The following RGS8 variants were observed in gnomAD, a reference collection of about 807,000 sequenced individuals.
The protein encoded by RGS8 is regulator of G-protein signaling 8.
A neutral mutation model predicts 21.7 loss-of-function variants in RGS8; 8 were observed. That is an observed-to-expected ratio of 0.37 (90% confidence interval 0.22 to 0.66). The LOEUF is 0.66. RGS8 is among the 30% of genes least tolerant of loss of function. The probability of loss-of-function intolerance (pLI) is 0.59; values close to 1 mark genes in which losing one functional copy is unlikely to be tolerated. For missense variants in RGS8, 157 were observed against 217.9 expected (o/e 0.72, Z 1.76); for synonymous variants, 80 against 83.6 (o/e 0.96, Z 0.24).
chr1:182,718,222 G>C, the RGS8 span, among the ~76,000 whole-genome samples: 2 of 152,168 alleles, frequency 1.3e-5, no homozygotes, highest in Non-Finnish European at 2.9e-5. Context: ...GGAATATTTT[G>C]AGGCAAGCCA....
At chr1:182,649,326 T>A (rs1456777689) in intron 5 of RGS8, among the ~76,000 whole-genome samples, 1 of 152,130 alleles carries the variant, frequency 6.6e-6, no homozygotes, top group Admixed American at 6.6e-5. Context: ...GAATGTCTCA[T>A]CCTTTGCTAC....
chr1:182,656,253 CAGCTGGCAG>C (rs1663271872), intron 5 of RGS8, among the ~76,000 whole-genome samples: 19 of 152,216 alleles, frequency 1.2e-4, no homozygotes, highest in Admixed American at 1.2e-3. Flanking sequence ...CCTCTGGTGA[CAGCTGGCAG>C]GCCTCCAAAG....
At chr1:182,672,993 C>A (rs371089617), upstream of RGS8, 203 of 770,948 alleles carry the variant, frequency 2.6e-4, 1 homozygote, top group Middle Eastern at 0.011. Flanking sequence ...GAATCAGAAA[C>A]TCTGGGGACA....
At chr1:182,728,407 C>T in the RGS8 span, among the ~76,000 whole-genome samples, 1 of 152,016 alleles carries the variant, frequency 6.6e-6, no homozygotes, top group Non-Finnish European at 1.5e-5. Context: ...CAATATGAAC[C>T]TTTCGATTCT....
the RGS8 span, among the ~76,000 whole-genome samples, chr1:182,724,205 T>C: frequency 2.2e-4 from 11 of 50,226 alleles, no homozygotes; most frequent in Non-Finnish European, 3.0e-4. Flanking sequence ...AGACTGGATA[T>C]ATATATATAT....
the RGS8 span, among the ~76,000 whole-genome samples, chr1:182,717,488 T>C: frequency 6.6e-6 from 1 of 152,200 alleles, no homozygotes. Context: ...ACAGATGGTT[T>C]CATTATGTCA....
At chr1:182,732,269 T>TCACACACACACACA in the RGS8 span, among the ~76,000 whole-genome samples, 6 of 126,358 alleles carry the variant, frequency 4.7e-5, no homozygotes, top group African/African-American at 1.8e-4. Flanking sequence ...GCTCTCTCTC[T>TCACACACACACACA]CATACACACA....
the RGS8 span, among the ~76,000 whole-genome samples, chr1:182,721,988 T>C: frequency 6.6e-6 from 1 of 152,218 alleles, no homozygotes; most frequent in African/African-American, 2.4e-5. Flanking sequence ...CTTCCCCTTC[T>C]ATGATGGAGA....
the RGS8 span, among the ~76,000 whole-genome samples, chr1:182,744,858 C>G: frequency 6.6e-6 from 1 of 152,174 alleles, no homozygotes. Context: ...ACACTTTCAT[C>G]ACCCCAGAAA....
At chr1:182,739,909 C>G in the RGS8 span, among the ~76,000 whole-genome samples, 1 of 152,176 alleles carries the variant, frequency 6.6e-6, no homozygotes, top group Non-Finnish European at 1.5e-5. Flanking sequence ...TTATCAATGG[C>G]TTTTCGTCCC....
chr1:182,726,658 G>A, the RGS8 span, among the ~76,000 whole-genome samples: 20 of 150,588 alleles, frequency 1.3e-4, no homozygotes, highest in African/African-American at 4.4e-4. Flanking sequence ...TAACAAAAGC[G>A]AGACTCTGTC....
At chr1:182,679,109 A>G (rs1032924164) in intron 1 of RGS8, among the ~76,000 whole-genome samples, 1 of 151,990 alleles carries the variant, frequency 6.6e-6, no homozygotes, top group Non-Finnish European at 1.5e-5. Flanking sequence ...TCTTTCTCAC[A>G]TGTTATTCTG....
At chr1:182,751,588 A>G in the RGS8 span, among the ~76,000 whole-genome samples, 1 of 151,812 alleles carries the variant, frequency 6.6e-6, no homozygotes, top group African/African-American at 2.4e-5. Flanking sequence ...CCTCTGAGTC[A>G]CATCCTACCA....
chr1:182,654,476 G>T (rs544389248), intron 5 of RGS8, among the ~76,000 whole-genome samples: 4 of 152,324 alleles, frequency 2.6e-5, no homozygotes, highest in South Asian at 4.1e-4. Flanking sequence ...TTGGGATAAG[G>T]TCACTGTGAA....
the RGS8 span, among the ~76,000 whole-genome samples, chr1:182,699,925 A>T: frequency 6.6e-6 from 1 of 152,166 alleles, no homozygotes; most frequent in Admixed American, 6.5e-5. Context: ...CGGCAAATTT[A>T]ACAGGAGGGC....
Position 182,669,539 on chromosome 1 carries a change from G to A in RGS8, c.26+85C>T, listed in dbSNP as rs966215795. On this transcript the variant is annotated intron_variant, in intron 3 of 6. Transcript: ENST00000483095. ...CCACGCATGGGCTCAGAAGGCTTGGGCCAGACTCAAATAACAGAGGGTGTG... is the reference window on the plus strand; with the variant it reads ...CCACGCATGGGCTCAGAAGGCTTGGACCAGACTCAAATAACAGAGGGTGTG... 4 of 1,599,140 alleles carry A rather than the reference G, an allele frequency of 2.5e-6. No homozygotes were observed. In the African/African-American group the frequency reaches 5.4e-5, roughly 21 times the overall value.
the RGS8 span, among the ~76,000 whole-genome samples, chr1:182,709,732 A>G: frequency 6.6e-6 from 1 of 152,178 alleles, no homozygotes; most frequent in Admixed American, 6.6e-5. Flanking sequence ...CTGCCAACCT[A>G]ATCTTATTTT....
upstream of RGS8, among the ~76,000 whole-genome samples, chr1:182,675,073 A>G (rs548050754): frequency 6.6e-5 from 10 of 152,190 alleles, no homozygotes; most frequent in South Asian, 2.1e-3. Context: ...CAGACCCTGC[A>G]CACTATACTC....
At chr1:182,683,668 G>A (rs1434376968) in intron 1 of RGS8, among the ~76,000 whole-genome samples, 1 of 150,132 alleles carries the variant, frequency 6.7e-6, no homozygotes, top group African/African-American at 2.5e-5. Flanking sequence ...ACTAGACAGT[G>A]CTGAGAAGTA....
Sources: allele counts gnomAD v4.1 joint callset (sites outside exome capture counted in the v4.1 genomes callset), GRCh38; gene constraint gnomAD v4.1.1; transcripts MANE v1.5; gene names NCBI Gene and HGNC (gene_info 2026-07-23, HGNC 2026-07-21).